The following ADGRB3 variants were observed in gnomAD, a reference collection of about 807,000 sequenced individuals.
ADGRB3 encodes the protein adhesion G protein-coupled receptor B3.
A neutral mutation model predicts 193.4 loss-of-function variants in ADGRB3; 37 were observed. The observed-to-expected ratio is 0.19, with a 90% CI of 0.15 to 0.25. The LOEUF (loss-of-function observed/expected upper bound fraction) is 0.25. Ranked by LOEUF, ADGRB3 falls within the 10% of genes least tolerant of loss-of-function variation. ADGRB3 has a pLI of 1.00. For synonymous variants in ADGRB3, 690 were observed against 644.2 expected (o/e 1.07, Z -1.08); for missense variants, 1,637 against 1,852.9 (o/e 0.88, Z 2.14).
intron 3 of ADGRB3, among the ~76,000 whole-genome samples, chr6:68,908,922 A>C (rs1766622991): frequency 6.6e-6 from 1 of 152,174 alleles, no homozygotes; most frequent in Admixed American, 6.5e-5. Context: ...ACATCCAATC[A>C]GAAAAGTTTC....
Position 68,943,680 on chromosome 6 carries a change from T to A in ADGRB3, c.1031-150T>A, listed in dbSNP as rs1009855088. 4 of 581,354 alleles carry A rather than the reference T, an allele frequency of 6.9e-6. No individual in the cohort carries two copies. In the African/African-American group the frequency reaches 7.6e-5, roughly 11 times the overall value. 36.0% of individuals were successfully genotyped at this position (581,354 alleles called of 1,614,324 possible). A position where few individuals can be genotyped will look rare whatever the true frequency, so the allele number is the denominator to read the frequency against. On this transcript the variant is annotated intron_variant, in intron 5 of 31. Transcript: ENST00000370598. ...CGAATTTTTAAATTAATAATTGTAT[T>A]TTATAAAAAATAAGAATGTTATCTC... is the stretch of plus-strand genomic sequence containing the variant.
intron 3 of ADGRB3, among the ~76,000 whole-genome samples, chr6:68,809,539 C>T (rs1486180534): frequency 6.6e-6 from 1 of 152,112 alleles, no homozygotes; most frequent in Non-Finnish European, 1.5e-5. Context: ...TTGGGACATG[C>T]TTTCTTTATG....
intron 20 of ADGRB3, among the ~76,000 whole-genome samples, chr6:69,242,788 A>T (rs1366642829): frequency 1.3e-5 from 2 of 151,908 alleles, no homozygotes; most frequent in East Asian, 3.9e-4. Context: ...TCATAAAGTG[A>T]TATTTCCCTT....
chr6:68,979,461 G>T (rs1768844649), intron 10 of ADGRB3, among the ~76,000 whole-genome samples: 1 of 151,376 alleles, frequency 6.6e-6, no homozygotes, highest in South Asian at 2.1e-4. Context: ...AGCCTTATAA[G>T]ATGCAAAGTT....
chr6:69,139,559 T>C (rs1221788826), intron 17 of ADGRB3, among the ~76,000 whole-genome samples: 1 of 152,236 alleles, frequency 6.6e-6, no homozygotes, highest in Non-Finnish European at 1.5e-5. Context: ...AACTTATATA[T>C]AGAAAATGCA....
chr6:69,075,400 A>G (rs1248754544), intron 16 of ADGRB3, among the ~76,000 whole-genome samples: 1 of 152,200 alleles, frequency 6.6e-6, no homozygotes, highest in East Asian at 1.9e-4. Context: ...CAGGTACTCA[A>G]TTCATAATTA....
intron 6 of ADGRB3, among the ~76,000 whole-genome samples, chr6:68,952,354 T>C (rs1214964400): frequency 2.0e-5 from 3 of 151,992 alleles, no homozygotes; most frequent in Admixed American, 6.5e-5. Flanking sequence ...TATATATGTA[T>C]GTGTGTGTAT....
At position 69,056,278 on chromosome 6, in the gene ADGRB3, T is replaced by C. The variant is rs144292617; in HGVS notation, c.2334-6656T>C. Among the ~76,000 whole-genome samples the C allele has an allele frequency of 4.1e-4, 62 of 152,322 alleles. 1 individual carries two copies. In the East Asian group the frequency reaches 0.012, roughly 29 times the overall value. Reference sequence around the variant, plus strand: ...TTGCGTACCTTCTTTGGAAAAAATGTCTATTCAAGTCTTTTGCCCATATTT... The same window carrying C: ...TTGCGTACCTTCTTTGGAAAAAATGCCTATTCAAGTCTTTTGCCCATATTT... On this transcript the variant is annotated intron_variant, in intron 15 of 31. Transcript: ENST00000370598.
intron 17 of ADGRB3, among the ~76,000 whole-genome samples, chr6:69,209,294 C>T (rs1554170224): frequency 6.6e-6 from 1 of 152,112 alleles, no homozygotes; most frequent in Non-Finnish European, 1.5e-5. Context: ...TCCAAATAGG[C>T]CCACTAGGCA....
chr6:69,379,925 T>G (rs1256789616), intron 30 of ADGRB3, among the ~76,000 whole-genome samples: 5 of 152,070 alleles, frequency 3.3e-5, no homozygotes, highest in African/African-American at 1.2e-4. Context: ...TTCAGCTTTA[T>G]TATTCAGAAT....
At chr6:68,753,787 G>A (rs2127348221) in intron 3 of ADGRB3, among the ~76,000 whole-genome samples, 1 of 152,264 alleles carries the variant, frequency 6.6e-6, no homozygotes, top group Non-Finnish European at 1.5e-5. Context: ...GTGCTGGTTG[G>A]GGACGCTGGG....
At chr6:68,864,839 C>T (rs929138674) in intron 3 of ADGRB3, among the ~76,000 whole-genome samples, 1 of 152,042 alleles carries the variant, frequency 6.6e-6, no homozygotes, top group African/African-American at 2.4e-5. Context: ...AGTTGGTTGT[C>T]TCTAGGTTAT....
At chr6:69,006,860 C>A (rs1264838931) in intron 11 of ADGRB3, among the ~76,000 whole-genome samples, 4 of 151,880 alleles carry the variant, frequency 2.6e-5, no homozygotes, top group Non-Finnish European at 5.9e-5. Flanking sequence ...TATTTCTCTT[C>A]TTATGAATTT....
intron 3 of ADGRB3, among the ~76,000 whole-genome samples, chr6:68,867,095 C>A (rs1162385867): frequency 1.3e-5 from 2 of 152,152 alleles, no homozygotes; most frequent in Non-Finnish European, 2.9e-5. Context: ...AATGTTAAGA[C>A]AATGGGAAAA....
At chr6:68,960,557 A>G (rs1768203786) in intron 8 of ADGRB3, among the ~76,000 whole-genome samples, 1 of 152,144 alleles carries the variant, frequency 6.6e-6, no homozygotes, top group Admixed American at 6.6e-5. Context: ...CCTTATTTGT[A>G]TAAGGTTGCT....
chr6:68,825,395 G>A (rs923356566), intron 3 of ADGRB3, among the ~76,000 whole-genome samples: 1 of 152,050 alleles, frequency 6.6e-6, no homozygotes, highest in African/African-American at 2.4e-5. Context: ...TTTGTATTAT[G>A]TAATGTTTCA....
chr6:69,382,691 T>C (rs766999555), intron 30 of ADGRB3, 140 bp from the exon 31 acceptor site: 61 of 502,570 alleles, frequency 1.2e-4, no homozygotes, highest in Non-Finnish European at 1.8e-4. Context: ...GCAACTTATT[T>C]GCATTTGTGC....
intron 3 of ADGRB3, among the ~76,000 whole-genome samples, chr6:68,776,739 A>T (rs775546770): frequency 1.3e-5 from 2 of 152,144 alleles, no homozygotes; most frequent in African/African-American, 4.8e-5. Flanking sequence ...AAGAAAAATG[A>T]TATTGCAGAT....
intron 8 of ADGRB3, among the ~76,000 whole-genome samples, chr6:68,974,534 A>G (rs571232072): frequency 3.2e-4 from 48 of 152,224 alleles, no homozygotes; most frequent in Non-Finnish European, 6.0e-4. Context: ...TCAAGAGACT[A>G]AGGAGGGAGG....
Sources: gnomAD v4.1 joint callset for allele counts (sites outside exome capture counted in the v4.1 genomes callset) on GRCh38, gnomAD v4.1.1 for gene constraint, MANE v1.5 for transcripts, NCBI Gene and HGNC (gene_info 2026-07-23, HGNC 2026-07-21) for gene names.